Variants in THEMIS observed in about 807,000 individuals in gnomAD.
The protein encoded by THEMIS is thymocyte selection associated.
In THEMIS, 37 loss-of-function variants were observed where a neutral mutation model predicts 52.6. The observed-to-expected ratio is 0.70, with a 90% CI of 0.54 to 0.93. The LOEUF is 0.93. Among genes scored for constraint, THEMIS ranks in the 40% least tolerant of loss-of-function variants. THEMIS has a pLI of 0.00. For missense variants in THEMIS, 808 were observed against 763.1 expected (o/e 1.06, Z -0.69); for synonymous variants, 292 against 272.7 (o/e 1.07, Z -0.70).
chr6:127,874,486 T>A (rs1780254609), intron 1 of THEMIS, among the ~76,000 whole-genome samples: 3 of 152,336 alleles, frequency 2.0e-5, no homozygotes, highest in Middle Eastern at 3.4e-3. Context: ...TATGGATTCA[T>A]GACATACCTA....
intron 4 of THEMIS, among the ~76,000 whole-genome samples, chr6:127,771,251 A>G (rs1044061993): frequency 2.6e-5 from 4 of 152,220 alleles, no homozygotes; most frequent in African/African-American, 7.2e-5. Flanking sequence ...CCACTGCTCA[A>G]TGAAATAAAA....
At chr6:127,788,100 T>C (rs1384191777) in intron 4 of THEMIS, among the ~76,000 whole-genome samples, 1 of 152,178 alleles carries the variant, frequency 6.6e-6, no homozygotes, top group Non-Finnish European at 1.5e-5. Flanking sequence ...GGCTGGCACA[T>C]TGACCCATCC....
chr6:127,739,547 A>G (rs1344414453), intron 4 of THEMIS, among the ~76,000 whole-genome samples: 2 of 152,150 alleles, frequency 1.3e-5, no homozygotes, highest in Non-Finnish European at 2.9e-5. Flanking sequence ...AGGCTGAGGC[A>G]GGAGAATGGT....
chr6:127,861,714 G>A (rs1309018912), intron 1 of THEMIS, among the ~76,000 whole-genome samples: 4 of 149,034 alleles, frequency 2.7e-5, no homozygotes, highest in Non-Finnish European at 5.9e-5. Flanking sequence ...AACCCAGGAG[G>A]TGAAGGTTGC....
rs66495087 is a variant in THEMIS, at chr6:127,799,529, C to CTCTT, written c.1758+13350_1758+13353dup. On this transcript the variant is annotated intron_variant, in intron 4 of 5. Transcript: ENST00000368248. ...ATTGGTAATCTTTCTTTCTTTCTTT[C>CTCTT]TCTTTCTTTCTTTCTTTCTTTCTAT... 5.1e-3 allele frequency among the ~76,000 whole-genome samples: 744 copies of CTCTT among 145,846 alleles called. 1 individual carries two copies. The highest frequency in any genetic ancestry group is 0.01 in the Middle Eastern group (3 of 288).
chr6:127,906,585 A>G (rs1051700517), intron 1 of THEMIS, among the ~76,000 whole-genome samples: 1 of 151,950 alleles, frequency 6.6e-6, no homozygotes, highest in Non-Finnish European at 1.5e-5. Context: ...TGAAGCATTT[A>G]TTACTTTAAT....
intron 1 of THEMIS, among the ~76,000 whole-genome samples, chr6:127,874,313 A>G (rs1287264058): frequency 1.3e-5 from 2 of 152,208 alleles, no homozygotes; most frequent in South Asian, 2.1e-4. Flanking sequence ...GTGATTTAAC[A>G]CTGCATCTGT....
chr6:127,782,032 C>G (rs1562253462), intron 4 of THEMIS, among the ~76,000 whole-genome samples: 2 of 152,152 alleles, frequency 1.3e-5, no homozygotes, highest in Non-Finnish European at 2.9e-5. Flanking sequence ...GCTACAGCAG[C>G]TTTGCCAAGC....
intron 4 of THEMIS, among the ~76,000 whole-genome samples, chr6:127,777,393 T>C (rs998371195): frequency 6.6e-6 from 1 of 152,178 alleles, no homozygotes; most frequent in Non-Finnish European, 1.5e-5. Flanking sequence ...TATGCCACTT[T>C]GATATATAGG....
intron 4 of THEMIS, among the ~76,000 whole-genome samples, chr6:127,734,494 T>C (rs936639609): frequency 9.9e-5 from 15 of 152,214 alleles, no homozygotes; most frequent in African/African-American, 3.6e-4. Context: ...TTTTTGTGTA[T>C]TCTTGAAATT....
rs566217052 is a variant in THEMIS at position 127,744,321 on chromosome 6, T to C, written c.1759-24498A>G. ...CCCAGGCTCTTCATACTGCATCACC[T>C]CCAAGAAATGTACAATTGAAAATAA... On this transcript the variant is annotated intron_variant, in intron 4 of 5. Transcript: ENST00000368248. 1.9e-3 allele frequency among the ~76,000 whole-genome samples: 290 copies of C among 152,164 alleles called. 3 individuals are homozygous for C. The highest frequency in any genetic ancestry group is 0.011 in the South Asian group (54 of 4,830).
At chr6:127,776,154 T>C (rs959373991) in intron 4 of THEMIS, among the ~76,000 whole-genome samples, 16 of 152,240 alleles carry the variant, frequency 1.1e-4, no homozygotes, top group Non-Finnish European at 1.8e-4. Flanking sequence ...CCATAATTTG[T>C]CTATGCTTCT....
chr6:127,863,492 T>A (rs1288667797), intron 1 of THEMIS, among the ~76,000 whole-genome samples: 1 of 152,198 alleles, frequency 6.6e-6, no homozygotes, highest in Non-Finnish European at 1.5e-5. Flanking sequence ...TTGTTTAGCC[T>A]TTGAAATCAT....
chr6:127,791,473 G>C (rs1488936703), intron 4 of THEMIS, among the ~76,000 whole-genome samples: 2 of 152,154 alleles, frequency 1.3e-5, no homozygotes, highest in African/African-American at 4.8e-5. Context: ...GCTTAAGAGG[G>C]GAGAAAGTAG....
intron 1 of THEMIS, among the ~76,000 whole-genome samples, chr6:127,889,412 C>T (rs1320946816): frequency 6.6e-6 from 1 of 152,078 alleles, no homozygotes; most frequent in Non-Finnish European, 1.5e-5. Flanking sequence ...TAGCACAAGT[C>T]AATTTATCTA....
chr6:127,809,036 T>G (rs551053303), intron 4 of THEMIS, among the ~76,000 whole-genome samples: 1 of 152,350 alleles, frequency 6.6e-6, no homozygotes, highest in Admixed American at 6.5e-5. Flanking sequence ...GTAAAGTTAA[T>G]GATCCATTGG....
intron 2 of THEMIS, among the ~76,000 whole-genome samples, chr6:127,839,018 C>T (rs1778959999): frequency 6.6e-6 from 1 of 152,000 alleles, no homozygotes. Flanking sequence ...GACAAGTACT[C>T]CCTCATTATC....
At position 127,710,273 on chromosome 6, in the gene THEMIS, C is replaced by T. The variant is rs538340289; in HGVS notation, c.1895-257G>A. On this transcript the variant is annotated intron_variant, in intron 5 of 5. Coordinates refer to ENST00000368248, the MANE Select transcript of THEMIS (RefSeq NM_001010923.3). ...AGCTTACATGTATAAAGTGTTTTTC[C>T]GTGGACAAAATGCTTTTCTTTGCGT... Among the ~76,000 whole-genome samples the T allele has an allele frequency of 3.3e-5, 5 of 151,870 alleles. No individual in the cohort carries two copies. In the East Asian group the frequency reaches 9.7e-4, roughly 30 times the overall value.
rs374118281 is a variant in THEMIS at position 127,787,838 on chromosome 6, G to GATAGAT, written c.1758+25044_1758+25045insATCTAT. Among the ~76,000 whole-genome samples the GATAGAT allele has an allele frequency of 2.4e-5, 3 of 126,384 alleles. No individual in the cohort carries two copies. In the East Asian group the frequency reaches 6.8e-4, roughly 29 times the overall value. The allele number at this position is 126,384 out of a possible 152,430, so 82.9% of individuals were successfully genotyped here. On this transcript the variant is annotated intron_variant, in intron 4 of 5. Transcript: ENST00000368248. ...AGATAGATAGATAGATAGATAGATAGAGATAGACAGATATAGATAGATAGA... is the reference window on the plus strand; with the variant it reads ...AGATAGATAGATAGATAGATAGATAGATAGATAGATAGACAGATATAGATAGATAGA...
Sources: gnomAD v4.1 joint callset for allele counts (sites outside exome capture counted in the v4.1 genomes callset) on GRCh38, gnomAD v4.1.1 for gene constraint, MANE v1.5 for transcripts, NCBI Gene and HGNC (gene_info 2026-07-23, HGNC 2026-07-21) for gene names.